CYFIP1: variants seen among roughly 807,000 people sequenced by gnomAD.
The protein encoded by CYFIP1 is cytoplasmic FMR1-interacting protein 1.
Under a neutral mutation model 163.5 loss-of-function variants are expected in CYFIP1, and 58 were observed. The observed-to-expected ratio is 0.35, with a 90% CI of 0.29 to 0.44. The LOEUF (loss-of-function observed/expected upper bound fraction) is 0.44, where lower values mean the gene tolerates loss of function less well. Among genes scored for constraint, CYFIP1 ranks in the 20% least tolerant of loss-of-function variants. The probability of loss-of-function intolerance (pLI) is 1.00; values close to 1 mark genes in which losing one functional copy is unlikely to be tolerated. For missense variants in CYFIP1, 1,338 were observed against 1,653.8 expected (o/e 0.81, Z 3.31); for synonymous variants, 663 against 660.7 (o/e 1.00, Z -0.05).
At chr15:22,946,930 C>T (rs1336886467) in intron 3 of CYFIP1, 73 bp downstream of exon 3, 1 of 1,317,656 alleles carries the variant, frequency 7.6e-7, no homozygotes, top group Non-Finnish European at 1.1e-6. Context: ...TGGGATAATA[C>T]CAAAAAGTAT....
At chr15:22,932,878 G>A (rs2061583197) in intron 10 of CYFIP1, among the ~76,000 whole-genome samples, 1 of 152,120 alleles carries the variant, frequency 6.6e-6, no homozygotes, top group South Asian at 2.1e-4. Flanking sequence ...TGCCCAGGCT[G>A]GACTGCAGTG....
Position 22,942,464 on chromosome 15 carries a change from C to CGCGCCAA in CYFIP1, c.569+708_569+709insTTGGCGC, listed in dbSNP as rs1567007559. On this transcript the variant is annotated intron_variant, in intron 6 of 30. Transcript: ENST00000617928. ...AGTGTCACCAAACGCCGGTCGGCAGCGTGCCAAGTGTCACCGAACGCCGGT... is the reference window on the plus strand; with the variant it reads ...AGTGTCACCAAACGCCGGTCGGCAGCGCGCCAAGTGCCAAGTGTCACCGAACGCCGGT... Among the ~76,000 whole-genome samples the CGCGCCAA allele has an allele frequency of 3.9e-3, 587 of 152,092 alleles. 12 individuals are homozygous for CGCGCCAA. The highest frequency in any genetic ancestry group is 0.014 in the African/African-American group (562 of 41,506).
intron 11 of CYFIP1, among the ~76,000 whole-genome samples, chr15:22,930,027 A>G (rs1237513316): frequency 6.6e-6 from 1 of 151,872 alleles, no homozygotes; most frequent in African/African-American, 2.4e-5. Flanking sequence ...CTTTCAGAAA[A>G]AAGAAAATCA....
intron 14 of CYFIP1, among the ~76,000 whole-genome samples, chr15:22,918,398 G>A (rs1156468352): frequency 1.3e-5 from 2 of 152,126 alleles, no homozygotes; most frequent in East Asian, 1.9e-4. Context: ...ACCGTGCAGA[G>A]ACCCCCATAA....
chr15:22,936,340 C>CA (rs2061709130), intron 9 of CYFIP1, among the ~76,000 whole-genome samples: 1 of 152,140 alleles, frequency 6.6e-6, no homozygotes. Flanking sequence ...GAAAAAAGAG[C>CA]AAAACACTTG....
intron 13 of CYFIP1, among the ~76,000 whole-genome samples, chr15:22,924,170 T>C (rs536615153): frequency 6.6e-6 from 1 of 152,136 alleles, no homozygotes; most frequent in Admixed American, 6.6e-5. Flanking sequence ...ACGCCTGTAA[T>C]CCTGGCACTT....
chr15:22,965,827 G>C (rs2062882970), intron 1 of CYFIP1, among the ~76,000 whole-genome samples: 1 of 152,132 alleles, frequency 6.6e-6, no homozygotes, highest in Non-Finnish European at 1.5e-5. Flanking sequence ...TGAGAGTTCA[G>C]GGGCGCCCCA....
At chr15:22,874,488 G>C in intron 28 of CYFIP1, 62 bp downstream of exon 28, 1 of 1,342,258 alleles carries the variant, frequency 7.5e-7, no homozygotes, top group Non-Finnish European at 1.0e-6. Flanking sequence ...TCCCAACCAG[G>C]CCACCTGGCC....
intron 16 of CYFIP1, 48 bp downstream of exon 16, chr15:22,916,429 T>C (rs769091484): frequency 1.0e-5 from 14 of 1,371,710 alleles, no homozygotes; most frequent in Non-Finnish European, 7.2e-6. Context: ...ACGGTGTTAG[T>C]GGTGTTAGGA....
At position 22,894,754 on chromosome 15, in the gene CYFIP1, T is replaced by C. The variant is rs1454968797; in HGVS notation, c.2589-1777A>G. On this transcript the variant is annotated intron_variant, in intron 22 of 30. Coordinates refer to ENST00000617928, the MANE Select transcript of CYFIP1 (RefSeq NM_014608.6). ...AATGCAATTACTCTTTATAATATTA[T>C]TTAAAATTTTAATCAAAATACATAT... is the stretch of plus-strand genomic sequence containing the variant. Among the ~76,000 whole-genome samples, 15 of 149,570 alleles carry C rather than the reference T, an allele frequency of 1.0e-4. No homozygotes were observed. In the South Asian group the frequency reaches 2.7e-3, roughly 27 times the overall value.
chr15:22,871,606 T>C (rs558805017), intron 30 of CYFIP1, among the ~76,000 whole-genome samples: 1 of 152,168 alleles, frequency 6.6e-6, no homozygotes, highest in Admixed American at 6.5e-5. Context: ...TGGCTAAGAC[T>C]GGACTGTAGA....
In CYFIP1 at chr15:22,944,639, A is replaced by G; in HGVS notation, c.306T>C (p.Pro102=). 3.1e-6 allele frequency: 5 copies of G among 1,613,884 alleles called. No individual in the cohort carries two copies. Among genetic ancestry groups the G allele is most frequent in the Non-Finnish European group, 4.2e-6 (5 of 1,179,736 alleles). ...TTTTCTCGTAGATTTCCACTCTGTT[A>G]GGCTGCTCGTTACATTTCACCTGGG... is the stretch of plus-strand genomic sequence containing the variant. ...AIPQVKCNEQ[P]NRVEIYEKTV... The change falls in exon 5 of 31, where the codon CCT becomes CCC. Residue 102 remains proline, a synonymous_variant. Transcript: ENST00000617928.
chr15:22,891,135 C>T (rs2060070480), intron 23 of CYFIP1, among the ~76,000 whole-genome samples: 1 of 151,710 alleles, frequency 6.6e-6, no homozygotes, highest in Admixed American at 6.6e-5. Context: ...CCCTAAAACA[C>T]TAAAGATGGC....
At chr15:22,882,750 G>A in intron 24 of CYFIP1, 118 bp downstream of exon 24, 1 of 1,184,450 alleles carries the variant, frequency 8.4e-7, no homozygotes, top group South Asian at 1.5e-5. Context: ...AATGTTTGAA[G>A]CCTAATTGAA....
At chr15:22,979,981 T>A (rs2063418633) in intron 1 of CYFIP1, among the ~76,000 whole-genome samples, 1 of 151,224 alleles carries the variant, frequency 6.6e-6, no homozygotes, top group Admixed American at 6.6e-5. Flanking sequence ...CGCGAGGCGG[T>A]GAACGCGGGG....
rs549836295 is a variant in CYFIP1 at position 22,927,101 on chromosome 15, C to T, written c.1233+805G>A. On this transcript the variant is annotated intron_variant, in intron 12 of 30. Coordinates refer to ENST00000617928, the MANE Select transcript of CYFIP1 (RefSeq NM_014608.6). ...CCTGTAATCCCAGCACTTTGGAAGGCCCAGGCAGGCAGATGGCTTGAGGCC... is the reference window on the plus strand; with the variant it reads ...CCTGTAATCCCAGCACTTTGGAAGGTCCAGGCAGGCAGATGGCTTGAGGCC... Among the ~76,000 whole-genome samples, 295 of 152,158 alleles carry T rather than the reference C, an allele frequency of 1.9e-3. 3 individuals carry two copies. The highest frequency in any genetic ancestry group is 3.1e-3 in the Non-Finnish European group (214 of 68,014).
intron 26 of CYFIP1, among the ~76,000 whole-genome samples, chr15:22,879,036 G>A (rs937618905): frequency 5.9e-5 from 9 of 151,906 alleles, no homozygotes; most frequent in Non-Finnish European, 8.8e-5. Context: ...CTTCTGAGGC[G>A]GAGGCAGGAG....
chr15:22,901,863 G>A (rs1326995051), intron 22 of CYFIP1, among the ~76,000 whole-genome samples: 3 of 152,196 alleles, frequency 2.0e-5, no homozygotes, highest in African/African-American at 7.2e-5. Context: ...CAGCTCTCCT[G>A]ATTCCACCAA....
At chr15:22,930,881 T>G (rs911103908) in intron 11 of CYFIP1, among the ~76,000 whole-genome samples, 4 of 152,190 alleles carry the variant, frequency 2.6e-5, no homozygotes, top group Admixed American at 2.6e-4. Flanking sequence ...TAGCACAGCC[T>G]AAGCACACAG....
Sources: gnomAD v4.1 joint callset for allele counts (sites outside exome capture counted in the v4.1 genomes callset) on GRCh38, gnomAD v4.1.1 for gene constraint, MANE v1.5 for transcripts, NCBI Gene and HGNC (gene_info 2026-07-23, HGNC 2026-07-21) for gene names.